The following LCN12 variants were observed in gnomAD, a reference collection of about 807,000 sequenced individuals.
LCN12 encodes the protein lipocalin 12.
A neutral mutation model predicts 23.7 loss-of-function variants in LCN12; 15 were observed. The observed-to-expected ratio is 0.63, with a 90% CI of 0.42 to 0.97. LCN12 has a LOEUF of 0.97. LCN12 is among the 50% of genes least tolerant of loss of function. LCN12 has a pLI of 0.00. For missense variants in LCN12, 219 were observed against 249.6 expected, an observed-to-expected ratio of 0.88 and a Z score of 0.83; for synonymous variants, 116 against 111.5, an observed-to-expected ratio of 1.04 and a Z score of -0.25.
chr9:136,953,849 G>T lies in LCN12; in HGVS notation c.333G>T (p.Glu111Asp). 6.3e-7 allele frequency: 1 copy of T among 1,599,360 alleles called. No homozygotes were observed. The highest frequency in any genetic ancestry group is 8.5e-7 in the Non-Finnish European group (1 of 1,173,468). Residue 111 changes from glutamate to aspartate, a missense_variant and splice_region_variant, in exon 4 of 6, where the codon GAG (glutamate) becomes GAT (aspartate). Transcript: ENST00000371633. ...GATGTGACGTCTGTGCCGCCTCAGAGCCCGGGGCGGACAGAGAGGAGACCC... is the reference window on the plus strand; with the variant it reads ...GATGTGACGTCTGTGCCGCCTCAGATCCCGGGGCGGACAGAGAGGAGACCC... The part of the protein sequence containing the change: ...PGQFTVDHGV[E>D]PGADREETRV...
intron 1 of LCN12, chr9:136,952,668 G>A: frequency 1.6e-6 from 1 of 636,790 alleles, no homozygotes; most frequent in Non-Finnish European, 2.7e-6. Flanking sequence ...GTGCGTGAGG[G>A]GAAACAGGCT....
At position 136,953,793 on chromosome 9, in the gene LCN12, A is replaced by G. The variant is rs1254267840; in HGVS notation, c.331+14A>G. On this transcript the variant is annotated intron_variant, in intron 3 of 5. Coordinates refer to ENST00000371633, the MANE Select transcript of LCN12 (RefSeq NM_178536.4). ...ACCACGGTGTGGGTAAGCCAGTCAC[A>G]GGAGGGAGGGACGGGGTGCTGGCCC... 2.5e-6 allele frequency: 4 copies of G among 1,604,448 alleles called. No individual in the cohort carries two copies. The highest frequency in any genetic ancestry group is 3.4e-5 in the Admixed American group (2 of 58,652).
At chr9:136,954,411 A>AG in intron 5 of LCN12, 156 bp downstream of exon 5, 1 of 922,450 alleles carries the variant, frequency 1.1e-6, no homozygotes, top group Non-Finnish European at 1.7e-6. Context: ...CCCTGTGCTC[A>AG]ACCCAGGCTC....
At chr9:136,950,085 G>C (rs1851113007), upstream of LCN12, among the ~76,000 whole-genome samples, 3 of 152,066 alleles carry the variant, frequency 2.0e-5, no homozygotes, top group South Asian at 6.2e-4. Flanking sequence ...CCGTTCCAGC[G>C]CCGCCGGCCC....
At chr9:136,952,217 C>T (rs1851170137), upstream of LCN12, 2 of 774,830 alleles carry the variant, frequency 2.6e-6, no homozygotes, top group South Asian at 3.0e-5. Flanking sequence ...GAGGGGCACA[C>T]CCCCTTGGGA....
chr9:136,950,331 C>T (rs1380461050), upstream of LCN12, among the ~76,000 whole-genome samples: 3 of 152,328 alleles, frequency 2.0e-5, no homozygotes, highest in South Asian at 6.2e-4. Context: ...CCCAGGGCGG[C>T]AGGAGTGGGT....
chr9:136,950,832 T>C (rs113908076), upstream of LCN12, among the ~76,000 whole-genome samples: 1 of 152,152 alleles, frequency 6.6e-6, no homozygotes, highest in Non-Finnish European at 1.5e-5. Context: ...AGCCCAGCCC[T>C]GGAGCCCTGA....
At chr9:136,956,123 C>T (rs1388135105), downstream of LCN12, among the ~76,000 whole-genome samples, 7 of 152,132 alleles carry the variant, frequency 4.6e-5, no homozygotes, top group Non-Finnish European at 7.4e-5. Context: ...CCACCCCCAC[C>T]GGCCAGCCAG....
downstream of LCN12, among the ~76,000 whole-genome samples, chr9:136,955,975 G>A (rs1000671889): frequency 3.3e-5 from 5 of 152,142 alleles, no homozygotes; most frequent in Admixed American, 6.5e-5. Flanking sequence ...GAGGGGAGGC[G>A]GTGACAAGCA....
At chr9:136,950,393 C>T (rs1349188364), upstream of LCN12, among the ~76,000 whole-genome samples, 2 of 152,132 alleles carry the variant, frequency 1.3e-5, no homozygotes, top group Non-Finnish European at 2.9e-5. Context: ...GAGGGACCCT[C>T]CTCTGTGTCG....
In LCN12 at chr9:136,953,794, G is replaced by A. The variant is rs777090057; in HGVS notation, c.331+15G>A. On this transcript the variant is annotated intron_variant, in intron 3 of 5. Transcript: ENST00000371633. Reference sequence around the variant, plus strand: ...CCACGGTGTGGGTAAGCCAGTCACAGGAGGGAGGGACGGGGTGCTGGCCCA... The same window carrying A: ...CCACGGTGTGGGTAAGCCAGTCACAAGAGGGAGGGACGGGGTGCTGGCCCA... 6.2e-7 allele frequency: 1 copy of A among 1,604,080 alleles called. No homozygotes were observed. The highest frequency in any genetic ancestry group is 1.1e-5 in the South Asian group (1 of 89,160).
downstream of LCN12, among the ~76,000 whole-genome samples, chr9:136,955,992 G>T (rs1851313547): frequency 6.6e-6 from 1 of 152,154 alleles, no homozygotes; most frequent in Non-Finnish European, 1.5e-5. Flanking sequence ...AGCAGCCTCG[G>T]GCTGGAGCCT....
chr9:136,951,767 G>T (rs1044744577), upstream of LCN12, among the ~76,000 whole-genome samples: 3 of 152,216 alleles, frequency 2.0e-5, no homozygotes, highest in Non-Finnish European at 4.4e-5. Flanking sequence ...GCCCCTCCCT[G>T]GTCCTGTTCT....
intron 5 of LCN12, 37 bp downstream of exon 5, chr9:136,954,292 G>A (rs1486089600): frequency 2.6e-6 from 4 of 1,550,150 alleles, no homozygotes; most frequent in Non-Finnish European, 2.6e-6. Flanking sequence ...TGGGCAGTAG[G>A]CACGGGGCCC....
chr9:136,953,024 A>C lies in LCN12; in HGVS notation c.247A>C (p.Thr83Pro). ...CCGCTTTGAGGTGTGGAATGCGATG[A>C]CTCGGTGAGTGGCTGTCCCTGCCGT... ...DGRFEVWNAM[T>P]RGQHCDTWSY... The change falls in exon 2 of 6, where the codon ACT becomes CCT. Residue 83 changes from threonine to proline, a missense_variant. Thr to Pro is a conservative substitution (Grantham distance 38, BLOSUM62 -1). Coordinates refer to ENST00000371633, the MANE Select transcript of LCN12 (RefSeq NM_178536.4). 6.2e-7 allele frequency: 1 copy of C among 1,613,700 alleles called. No homozygotes were observed. Among genetic ancestry groups the C allele is most frequent in the Non-Finnish European group, 8.5e-7 (1 of 1,179,910 alleles).
At chr9:136,953,118 T>C (rs884218) in intron 2 of LCN12, 90 bp downstream of exon 2, 1,066,420 of 1,537,954 alleles carry the variant, frequency 0.69, 372,184 homozygotes, top group East Asian at 0.86. Context: ...CCATGGGCCC[T>C]GTCCCAGCAC....
chr9:136,954,112 C>A, intron 4 of LCN12, 42 bp from the exon 5 acceptor site: 2 of 1,519,250 alleles, frequency 1.3e-6, no homozygotes, highest in South Asian at 1.3e-5. Flanking sequence ...CCCCAACCCC[C>A]TGCCAAGTGC....
intron 2 of LCN12, chr9:136,953,452 G>A: frequency 4.2e-6 from 2 of 476,336 alleles, no homozygotes; most frequent in South Asian, 4.9e-5. Flanking sequence ...CAGCACTTTA[G>A]GGGCCGGGCG....
chr9:136,950,642 A>G (rs1487094785), upstream of LCN12, among the ~76,000 whole-genome samples: 7 of 152,240 alleles, frequency 4.6e-5, no homozygotes, highest in Admixed American at 3.9e-4. Flanking sequence ...AGGCGCTCCT[A>G]GGCTGGCTGG....
Sources: allele counts gnomAD v4.1 joint callset (sites outside exome capture counted in the v4.1 genomes callset), GRCh38; gene constraint gnomAD v4.1.1; transcripts MANE v1.5; gene names NCBI Gene and HGNC (gene_info 2026-07-23, HGNC 2026-07-21).